MYEF2: variants seen among roughly 807,000 people sequenced by gnomAD.
MYEF2 encodes the protein myelin gene expression factor 2.
Under a neutral mutation model 75.2 loss-of-function variants are expected in MYEF2, and 37 were observed. The observed-to-expected ratio is 0.49, with a 90% CI of 0.38 to 0.65. The LOEUF (loss-of-function observed/expected upper bound fraction) is 0.65, where lower values mean the gene tolerates loss of function less well. Among genes scored for constraint, MYEF2 ranks in the 30% least tolerant of loss-of-function variants. The pLI, the probability that MYEF2 is intolerant of heterozygous loss-of-function variation, is 0.00. For synonymous variants in MYEF2, 195 were observed against 241.6 expected (o/e 0.81, Z 1.79); for missense variants, 634 against 771.4 (o/e 0.82, Z 2.11).
chr15:48,140,402 G>A lies in MYEF2; in HGVS notation c.*2506C>T, dbSNP rs138728712. On this transcript the variant is annotated 3_prime_UTR_variant, in exon 17 of 17. Coordinates refer to ENST00000324324, the MANE Select transcript of MYEF2 (RefSeq NM_016132.5). ...AAAAAAAGAGAAAGAAAAAAAAGACGCTAAACCAAGTTTTCAATTACAACA... is the reference window on the plus strand; with the variant it reads ...AAAAAAAGAGAAAGAAAAAAAAGACACTAAACCAAGTTTTCAATTACAACA... 291 of 151,958 alleles carry A rather than the reference G, an allele frequency of 1.9e-3. No individual in the cohort carries two copies. The highest frequency in any genetic ancestry group is 6.6e-3 in the African/African-American group (275 of 41,452). 9.4% of individuals were successfully genotyped at this position (151,958 alleles called of 1,614,324 possible).
At chr15:48,162,214 A>C (rs2039967037) in intron 5 of MYEF2, among the ~76,000 whole-genome samples, 1 of 152,118 alleles carries the variant, frequency 6.6e-6, no homozygotes, top group South Asian at 2.1e-4. Context: ...CAGGAACAAA[A>C]GACTCTTGGA....
Position 48,142,934 on chromosome 15 carries a change from C to T in MYEF2, c.1777G>A (p.Asp593Asn). 2 of 1,596,744 alleles carry T rather than the reference C, an allele frequency of 1.3e-6. No individual in the cohort carries two copies. Among genetic ancestry groups the T allele is most frequent in the Non-Finnish European group, 1.7e-6 (2 of 1,172,590 alleles). Reference sequence around the variant, plus strand: ...TATGCATTACGATCCAAGCGAACATCAATTTCTCTGCCACTGATTTTTATG... The same window carrying T: ...TATGCATTACGATCCAAGCGAACATTAATTTCTCTGCCACTGATTTTTATG... ...NGIKISGREI[D>N]VRLDRNA The change falls in exon 17 of 17, where the codon GAT becomes AAT. Residue 593 changes from aspartate (D) to asparagine (N), a missense_variant. Transcript: ENST00000324324.
intron 1 of MYEF2, among the ~76,000 whole-genome samples, chr15:48,171,001 T>G (rs1424710204): frequency 2.0e-5 from 3 of 152,136 alleles, no homozygotes; most frequent in Non-Finnish European, 4.4e-5. Context: ...TCAAACATAT[T>G]CCTTCATCAG....
chr15:48,161,762 T>C (rs2039950573), intron 5 of MYEF2, among the ~76,000 whole-genome samples: 1 of 150,742 alleles, frequency 6.6e-6, no homozygotes, highest in South Asian at 2.1e-4. Flanking sequence ...GAATCTGTAG[T>C]ACATGTCCTT....
chr15:48,175,190 T>C (rs150115202), intron 1 of MYEF2, among the ~76,000 whole-genome samples: 169 of 152,222 alleles, frequency 1.1e-3, no homozygotes, highest in African/African-American at 3.7e-3. Flanking sequence ...CTAGAGGACA[T>C]TGGGCTATGT....
intron 1 of MYEF2, among the ~76,000 whole-genome samples, chr15:48,169,055 T>C (rs1162175378): frequency 6.6e-6 from 1 of 152,202 alleles, no homozygotes; most frequent in Non-Finnish European, 1.5e-5. Context: ...AGTCCTCATT[T>C]TTTTCCCACA....
At position 48,140,203 on chromosome 15, in the gene MYEF2, T is replaced by C. The variant is rs1018419125; in HGVS notation, c.*2705A>G. The C allele has an allele frequency of 2.6e-5, 4 of 152,058 alleles. No homozygotes were observed. The highest frequency in any genetic ancestry group is 2.1e-4 in the South Asian group (1 of 4,838). 9.4% of individuals were successfully genotyped at this position (152,058 alleles called of 1,614,324 possible). ...AAAAATAAAAAGAGAGCAAAAATCA[T>C]GTAATAGATCACAGAACAGCCCCCA... On this transcript the variant is annotated 3_prime_UTR_variant, in exon 17 of 17. Coordinates refer to ENST00000324324, the MANE Select transcript of MYEF2 (RefSeq NM_016132.5).
At chr15:48,146,677 C>G (rs1255508951) in intron 16 of MYEF2, among the ~76,000 whole-genome samples, 1 of 151,852 alleles carries the variant, frequency 6.6e-6, no homozygotes, top group Non-Finnish European at 1.5e-5. Context: ...TACTAAGAAG[C>G]AAGCAAGAGA....
intron 9 of MYEF2, 91 bp downstream of exon 9, chr15:48,157,902 G>C (rs1399050225): frequency 3.8e-6 from 6 of 1,559,448 alleles, no homozygotes; most frequent in Non-Finnish European, 5.2e-6. Flanking sequence ...TGAGAAACTA[G>C]GATGTAGGCA....
rs886817576 is a variant in MYEF2 at position 48,141,037 on chromosome 15, G to C, written c.*1871C>G. 1 of 1,219,044 alleles carries C rather than the reference G, an allele frequency of 8.2e-7. No homozygotes were observed. The highest frequency in any genetic ancestry group is 1.5e-5 in the African/African-American group (1 of 66,050). 75.5% of individuals were successfully genotyped at this position (1,219,044 alleles called of 1,614,324 possible). A position where few individuals can be genotyped will look rare whatever the true frequency, so the allele number is the denominator to read the frequency against. On this transcript the variant is annotated 3_prime_UTR_variant, in exon 17 of 17. Coordinates refer to ENST00000324324, the MANE Select transcript of MYEF2 (RefSeq NM_016132.5). ...GCCTATTTTATTTTTGTTCACGAAG[G>C]AAATATCCAAAATAACTGCAAAGGA...
Position 48,142,385 on chromosome 15 carries a change from G to T in MYEF2, c.*523C>A. Reference sequence around the variant, plus strand: ...ATAGTGTTATGCAGAAAATATGAATGGCAGGGAGGGGCAGAGAGAAAAATC... The same window carrying T: ...ATAGTGTTATGCAGAAAATATGAATTGCAGGGAGGGGCAGAGAGAAAAATC... On this transcript the variant is annotated 3_prime_UTR_variant, in exon 17 of 17. Transcript: ENST00000324324. The T allele has an allele frequency of 7.6e-7, 1 of 1,309,756 alleles. No individual in the cohort carries two copies. The highest frequency in any genetic ancestry group is 1.0e-6 in the Non-Finnish European group (1 of 965,144). 81.1% of individuals were successfully genotyped at this position (1,309,756 alleles called of 1,614,324 possible). A position where few individuals can be genotyped will look rare whatever the true frequency, so the allele number is the denominator to read the frequency against.
At position 48,146,720 on chromosome 15, in the gene MYEF2, A is replaced by G. The variant is rs16960631; in HGVS notation, c.1639+2312T>C. The stretch of plus-strand genomic sequence containing the variant: ...TACTCTCTTTGGGCTTACAAGAAAA[A>G]CAACAACAGAAGACTGCCTTTTACT... On this transcript the variant is annotated intron_variant, in intron 16 of 16. Transcript: ENST00000324324. Among the ~76,000 whole-genome samples the G allele has an allele frequency of 0.012, 1,823 of 152,096 alleles. 151 individuals carry two copies. In the East Asian group the frequency reaches 0.23, roughly 19 times the overall value.
intron 5 of MYEF2, among the ~76,000 whole-genome samples, chr15:48,165,219 C>T (rs755750872): frequency 2.6e-5 from 4 of 152,146 alleles, no homozygotes; most frequent in African/African-American, 7.2e-5. Context: ...TTAACACAGA[C>T]TTTAGCAAGT....
chr15:48,158,663 C>T lies in MYEF2; in HGVS notation c.871+106G>A. ...TTGCTGGAGACTAAAGTCTAACACACATCTCTAAGCCAGGCAACCTTAAAT... is the reference window on the plus strand; with the variant it reads ...TTGCTGGAGACTAAAGTCTAACACATATCTCTAAGCCAGGCAACCTTAAAT... On this transcript the variant is annotated intron_variant, in intron 7 of 16. Coordinates refer to ENST00000324324, the MANE Select transcript of MYEF2 (RefSeq NM_016132.5). 3 of 1,329,170 alleles carry T rather than the reference C, an allele frequency of 2.3e-6. No homozygotes were observed. The South Asian group carries it at 4.0e-5, about 18-fold the overall frequency. 82.3% of individuals were successfully genotyped at this position (1,329,170 alleles called of 1,614,324 possible).
At chr15:48,151,348 G>A in intron 13 of MYEF2, 125 bp downstream of exon 13, 1 of 1,066,988 alleles carries the variant, frequency 9.4e-7, no homozygotes, top group Admixed American at 2.0e-5. Context: ...TCCTTAAAGT[G>A]TTTTCTTCAG....
rs1396308311 is a variant in MYEF2, at chr15:48,149,927, C to G, written c.1379-556G>C. On this transcript the variant is annotated intron_variant, in intron 14 of 16. Transcript: ENST00000324324. The surrounding 1 kb of genome is among the most constrained non-coding windows in gnomAD (Gnocchi z 4.0). Reference sequence around the variant, plus strand: ...ACCTCTGTTTCCCAGTTTTTATTCTCATGGTAATTCAATACTCATAGCAAA... The same window carrying G: ...ACCTCTGTTTCCCAGTTTTTATTCTGATGGTAATTCAATACTCATAGCAAA... 6.6e-6 allele frequency: 1 copy of G among 152,236 alleles called. No homozygotes were observed. The highest frequency in any genetic ancestry group is 1.5e-5 in the Non-Finnish European group (1 of 68,174). The allele number at this position is 152,236 out of a possible 1,614,324, so 9.4% of individuals were successfully genotyped here.
Position 48,168,733 on chromosome 15 carries a change from C to T in MYEF2, c.268G>A (p.Gly90Ser). 1 of 1,613,666 alleles carries T rather than the reference C, an allele frequency of 6.2e-7. No individual in the cohort carries two copies. The highest frequency in any genetic ancestry group is 2.2e-5 in the East Asian group (1 of 44,852). Residue 90 changes from glycine (G) to serine (S), a missense_variant, in exon 2 of 17, where the codon GGC (glycine) becomes AGC (serine). Coordinates refer to ENST00000324324, the MANE Select transcript of MYEF2 (RefSeq NM_016132.5). ...FHPYSKDKNS[G>S]AGEKKGPNRN... The stretch of plus-strand genomic sequence containing the variant: ...TTTGGACCCTTCTTTTCTCCAGCGC[C>T]CGAATTCTTGTCTTTTGAATAAGGA...
rs748579221 is a variant in MYEF2 at position 48,158,854 on chromosome 15, T to C, written c.786A>G (p.Ala262=). The change falls in exon 7 of 17, where the codon GCA becomes GCG. Residue 262 remains alanine (A), a synonymous_variant. Coordinates refer to ENST00000324324, the MANE Select transcript of MYEF2 (RefSeq NM_016132.5). ...TGCCATCTTTGTCTTCTTTAATATC[T>C]GCCCGCTTCACAGTTCCAGCTATGC... ...VFSIAGTVKR[A]DIKEDKDGKS... 2.5e-6 allele frequency: 4 copies of C among 1,613,834 alleles called. No individual in the cohort carries two copies. In the South Asian group the frequency reaches 4.4e-5, roughly 18 times the overall value.
Position 48,142,981 on chromosome 15 carries a change from T to C in MYEF2, c.1730A>G (p.Lys577Arg). The change falls in exon 17 of 17, where the codon AAA (lysine) becomes AGA (arginine). Residue 577 changes from lysine (K) to arginine (R), a missense_variant. Lys to Arg is a conservative substitution (Grantham distance 26). Transcript: ENST00000324324. ...TATGCCATTCATTATTCTGCAGGCTTTTTCAGCTGATTCTGGGGAGTCAAA... is the reference window on the plus strand; with the variant it reads ...TATGCCATTCATTATTCTGCAGGCTCTTTCAGCTGATTCTGGGGAGTCAAA... ...VRFDSPESAE[K>R]ACRIMNGIKI... The C allele has an allele frequency of 1.2e-6, 2 of 1,603,506 alleles. No individual in the cohort carries two copies. The highest frequency in any genetic ancestry group is 1.7e-6 in the Non-Finnish European group (2 of 1,175,586).
Sources: allele counts gnomAD v4.1 joint callset (sites outside exome capture counted in the v4.1 genomes callset), GRCh38; gene constraint gnomAD v4.1.1; non-coding constraint Gnocchi (gnomAD v3.1); transcripts MANE v1.5; gene names NCBI Gene and HGNC (gene_info 2026-07-23, HGNC 2026-07-21).